The following LRIG1 variants were observed in gnomAD, a reference collection of about 807,000 sequenced individuals.
LRIG1 encodes the protein leucine rich repeats and immunoglobulin like domains 1, also known as leucine-rich repeats and immunoglobulin-like domains protein 1.
Under a neutral mutation model 99.2 loss-of-function variants are expected in LRIG1, and 48 were observed. The ratio of observed to expected loss-of-function variants is 0.48; its 90% CI spans 0.38 to 0.62. The LOEUF is 0.62. Ranked by LOEUF, LRIG1 falls within the 20% of genes least tolerant of loss-of-function variation. LRIG1 has a pLI of 0.00. For synonymous variants in LRIG1, 772 were observed against 596.1 expected (o/e 1.29, Z -4.30); for missense variants, 1,646 against 1,434.4 (o/e 1.15, Z -2.38).
intron 3 of LRIG1, among the ~76,000 whole-genome samples, chr3:66,424,142 C>A (rs757496617): frequency 6.6e-6 from 1 of 152,152 alleles, no homozygotes; most frequent in Non-Finnish European, 1.5e-5. Flanking sequence ...TGGGAAGACC[C>A]CACGTTTCAA....
chr3:66,493,444 T>C (rs892959441), intron 1 of LRIG1, among the ~76,000 whole-genome samples: 2 of 152,218 alleles, frequency 1.3e-5, no homozygotes, highest in African/African-American at 4.8e-5. Context: ...TTCCTGCCTG[T>C]TTGGCTAAGA....
intron 11 of LRIG1, among the ~76,000 whole-genome samples, chr3:66,397,020 A>T (rs1189582530): frequency 1.3e-5 from 2 of 152,226 alleles, no homozygotes; most frequent in Non-Finnish European, 2.9e-5. Context: ...GGAAGAGGGA[A>T]GGCCCTGGGC....
intron 1 of LRIG1, among the ~76,000 whole-genome samples, chr3:66,490,463 C>T (rs1249365851): frequency 1.3e-5 from 2 of 152,180 alleles, no homozygotes; most frequent in African/African-American, 4.8e-5. Context: ...GAGGAAACCA[C>T]AGACACAGAG....
chr3:66,385,355 C>G (rs1575646319), intron 13 of LRIG1, among the ~76,000 whole-genome samples: 1 of 152,296 alleles, frequency 6.6e-6, no homozygotes, highest in African/African-American at 2.4e-5. Flanking sequence ...CTTCCCCAGG[C>G]TAAGGGGTAT....
In LRIG1 at chr3:66,451,568, G is replaced by C. The variant is rs557523202; in HGVS notation, c.356C>G (p.Ser119Cys). The C allele has an allele frequency of 8.7e-6, 14 of 1,614,056 alleles. No homozygotes were observed. In the African/African-American group the frequency reaches 1.7e-4, roughly 20 times the overall value. Reference sequence around the variant, plus strand: ...AAACGGCACCACTTACAGAAAGAGAGAGACGACATGTGATGAAGCAGCGCC... The same window carrying C: ...AAACGGCACCACTTACAGAAAGAGACAGACGACATGTGATGAAGCAGCGCC... The part of the protein sequence containing the change: ...SLGAASSHVV[S>C]LFLQHNKIRS... The change falls in exon 3 of 19, where the codon TCT becomes TGT. Residue 119 changes from serine to cysteine, a missense_variant. Physicochemically the swap from Ser to Cys is moderately radical, Grantham distance 112. Coordinates refer to ENST00000273261, the MANE Select transcript of LRIG1 (RefSeq NM_015541.3).
intron 15 of LRIG1, among the ~76,000 whole-genome samples, 198 bp from the exon 16 acceptor site, chr3:66,382,596 G>A (rs990210709): frequency 7.9e-5 from 12 of 152,202 alleles, no homozygotes; most frequent in African/African-American, 1.9e-4. Flanking sequence ...CGTGAAGAGC[G>A]CAGCCAGCAG....
intron 6 of LRIG1, 47 bp from the exon 7 acceptor site, chr3:66,410,319 T>G: frequency 2.6e-6 from 4 of 1,550,602 alleles, no homozygotes; most frequent in Non-Finnish European, 3.5e-6. Context: ...TTCACTCCCT[T>G]CACTGGACAG....
At chr3:66,414,836 G>T in intron 5 of LRIG1, 84 bp downstream of exon 5, 1 of 1,297,576 alleles carries the variant, frequency 7.7e-7, no homozygotes, top group Non-Finnish European at 1.0e-6. Flanking sequence ...AGGAAAGGGT[G>T]GCGTTTGGTA....
intron 1 of LRIG1, among the ~76,000 whole-genome samples, chr3:66,466,461 T>C (rs958768268): frequency 6.6e-6 from 1 of 152,264 alleles, no homozygotes; most frequent in East Asian, 1.9e-4. Flanking sequence ...TTGTGAATGA[T>C]GTTGCTATCA....
chr3:66,488,391 G>A (rs1441028593), intron 1 of LRIG1, among the ~76,000 whole-genome samples: 1 of 151,582 alleles, frequency 6.6e-6, no homozygotes, highest in Non-Finnish European at 1.5e-5. Context: ...GGGACGCTGA[G>A]GTGGATGGAT....
In LRIG1 at chr3:66,398,990, C is replaced by A; in HGVS notation, c.1212G>T (p.Gly404=). 1 of 1,614,180 alleles carries A rather than the reference C, an allele frequency of 6.2e-7. No individual in the cohort carries two copies. The highest frequency in any genetic ancestry group is 8.5e-7 in the Non-Finnish European group (1 of 1,180,018). Residue 404 remains glycine, a synonymous_variant, in exon 10 of 19, where the codon GGG becomes GGT. Coordinates refer to ENST00000273261, the MANE Select transcript of LRIG1 (RefSeq NM_015541.3). ...CTCACAGGTGCTCCAGGCCTTCCAG[C>A]CCCGAGAATGCTCTCTTAGCCACAG... ...IKSVAKRAFS[G]LEGLEHLNLG... is the part of the protein sequence containing the mutation.
chr3:66,404,676 T>C (rs1213564492), intron 9 of LRIG1, among the ~76,000 whole-genome samples: 1 of 152,006 alleles, frequency 6.6e-6, no homozygotes, highest in Non-Finnish European at 1.5e-5. Context: ...GCAGATTAAC[T>C]GGCAAAATCT....
intron 3 of LRIG1, among the ~76,000 whole-genome samples, chr3:66,438,251 G>A (rs575906490): frequency 6.6e-5 from 10 of 152,290 alleles, no homozygotes; most frequent in African/African-American, 2.4e-4. Flanking sequence ...AGAGCACACA[G>A]CTCAGCCGGC....
Position 66,414,941 on chromosome 3 carries a change from T to C in LRIG1, c.626A>G (p.Lys209Arg). 5 of 1,609,276 alleles carry C rather than the reference T, an allele frequency of 3.1e-6. No homozygotes were observed. Among genetic ancestry groups the C allele is most frequent in the Non-Finnish European group, 4.2e-6 (5 of 1,177,846 alleles). ...RITQLPVRAF[K>R]LPRLTQLDLN... ...TCACAGTTGTGTCAGCCTGGGTAGCTTGAATGCTCTTACAGGAAGCTGGGT... is the reference window on the plus strand; with the variant it reads ...TCACAGTTGTGTCAGCCTGGGTAGCCTGAATGCTCTTACAGGAAGCTGGGT... Residue 209 changes from lysine to arginine, a missense_variant, in exon 5 of 19, where the codon AAG (lysine) becomes AGG (arginine). By Grantham distance (26) the Lys-to-Arg change is conservative. Coordinates refer to ENST00000273261, the MANE Select transcript of LRIG1 (RefSeq NM_015541.3).
intron 1 of LRIG1, among the ~76,000 whole-genome samples, chr3:66,478,056 T>A (rs1412656167): frequency 6.6e-6 from 1 of 152,188 alleles, no homozygotes. Flanking sequence ...ATAAGTCTTA[T>A]GAAAGAGGTT....
At chr3:66,483,524 G>C (rs1005495793) in intron 1 of LRIG1, among the ~76,000 whole-genome samples, 1 of 152,254 alleles carries the variant, frequency 6.6e-6, no homozygotes, top group Non-Finnish European at 1.5e-5. Context: ...CTCTCTGCCA[G>C]CAGCAAAGAG....
intron 2 of LRIG1, among the ~76,000 whole-genome samples, chr3:66,454,160 G>C (rs180955774): frequency 6.6e-6 from 1 of 152,304 alleles, no homozygotes; most frequent in African/African-American, 2.4e-5. Context: ...TGCACAGTGA[G>C]CTTACTTCCA....
intron 3 of LRIG1, among the ~76,000 whole-genome samples, chr3:66,425,505 G>C (rs1156843115): frequency 2.0e-5 from 3 of 152,198 alleles, no homozygotes; most frequent in Non-Finnish European, 4.4e-5. Flanking sequence ...ATCTGCCATC[G>C]AGGGAGGAAG....
intron 9 of LRIG1, among the ~76,000 whole-genome samples, chr3:66,402,283 C>T (rs988356409): frequency 1.3e-5 from 2 of 152,184 alleles, no homozygotes; most frequent in East Asian, 1.9e-4. Context: ...GCCCGGGAAC[C>T]GCACAACCAT....
Sources: gnomAD v4.1 joint callset for allele counts (sites outside exome capture counted in the v4.1 genomes callset) on GRCh38, gnomAD v4.1.1 for gene constraint, MANE v1.5 for transcripts, NCBI Gene and HGNC (gene_info 2026-07-23, HGNC 2026-07-21) for gene names.